Variants in PAAF1 observed in about 807,000 individuals in gnomAD.
PAAF1 encodes proteasomal ATPase-associated factor 1.
In PAAF1, 46 loss-of-function variants were observed where a neutral mutation model predicts 52.8. The ratio of observed to expected loss-of-function variants is 0.87; its 90% confidence interval spans 0.69 to 1.11. The LOEUF is 1.11. Ranked by LOEUF, PAAF1 falls within the 50% of genes most tolerant of loss-of-function variation. PAAF1 has a pLI of 0.00. For missense variants in PAAF1, 424 were observed against 477.4 expected (o/e 0.89, Z 1.04); for synonymous variants, 178 against 172.8 (o/e 1.03, Z -0.24).
Position 73,914,413 on chromosome 11 carries a change from G to T in PAAF1, c.728G>T (p.Ser243Ile). The T allele has an allele frequency of 6.2e-7, 1 of 1,613,906 alleles. No individual in the cohort carries two copies. The highest frequency in any genetic ancestry group is 8.5e-7 in the Non-Finnish European group (1 of 1,179,854). Residue 243 changes from serine to isoleucine, a missense_variant and splice_region_variant, in exon 8 of 12, where the codon AGT (serine) becomes ATT (isoleucine). By Grantham distance (142) the Ser-to-Ile change is moderately radical. Coordinates refer to ENST00000310571, the MANE Select transcript of PAAF1 (RefSeq NM_025155.3). The stretch of plus-strand genomic sequence containing the variant: ...TTAACATAGTTTATTTGTCATGCAG[G>T]TGAACGGGAGGTTGGAACAGAGGCC... Reference protein sequence around the residue: ...INLGSPEQMPSEREVGTEAKM... With the variant: ...INLGSPEQMPIEREVGTEAKM...
intron 11 of PAAF1, among the ~76,000 whole-genome samples, chr11:73,926,387 C>G (rs1950358364): frequency 6.6e-6 from 1 of 152,174 alleles, no homozygotes; most frequent in African/African-American, 2.4e-5. Flanking sequence ...CGTGAGCCAC[C>G]GCGCCCAGCC....
upstream of PAAF1, chr11:73,876,796 C>A (rs1005659600): frequency 2.9e-5 from 12 of 411,594 alleles, no homozygotes; most frequent in Admixed American, 3.6e-4. Flanking sequence ...CACGCTCCTA[C>A]GCGGCGGCTT....
intron 8 of PAAF1, among the ~76,000 whole-genome samples, chr11:73,914,763 C>T (rs140474805): frequency 1.4e-5 from 2 of 145,154 alleles, no homozygotes; most frequent in East Asian, 2.0e-4. Context: ...AGTGCAGTGG[C>T]GCAATCTCGG....
At chr11:73,904,377 C>T (rs937976132) in intron 6 of PAAF1, among the ~76,000 whole-genome samples, 1 of 152,050 alleles carries the variant, frequency 6.6e-6, no homozygotes, top group African/African-American at 2.4e-5. Context: ...ATTTATAATC[C>T]TAATTCTTTA....
At chr11:73,914,335 A>G (rs1053594334) in intron 7 of PAAF1, 78 bp from the exon 8 acceptor site, 6 of 1,160,390 alleles carry the variant, frequency 5.2e-6, no homozygotes, top group Admixed American at 3.6e-5. Flanking sequence ...TCAGTAATCA[A>G]CCATCAGTAT....
intron 3 of PAAF1, among the ~76,000 whole-genome samples, chr11:73,890,908 A>G (rs1173024841): frequency 6.6e-6 from 1 of 152,184 alleles, no homozygotes; most frequent in Non-Finnish European, 1.5e-5. Flanking sequence ...AGCAATACCA[A>G]ATTACACTGT....
chr11:73,923,394 T>C (rs1950277787), intron 10 of PAAF1, among the ~76,000 whole-genome samples: 1 of 152,156 alleles, frequency 6.6e-6, no homozygotes, highest in Non-Finnish European at 1.5e-5. Flanking sequence ...CTGTCAACCA[T>C]GTAAAATAGG....
At chr11:73,877,770 C>G (rs962856563) in intron 1 of PAAF1, among the ~76,000 whole-genome samples, 9 of 152,034 alleles carry the variant, frequency 5.9e-5, no homozygotes, top group African/African-American at 2.2e-4. Flanking sequence ...CCTATAATCC[C>G]AGCTACTCGG....
intron 4 of PAAF1, among the ~76,000 whole-genome samples, chr11:73,897,729 C>A (rs34481167): frequency 0.057 from 8,584 of 151,794 alleles, 270 homozygotes; most frequent in Middle Eastern, 0.11. Flanking sequence ...CTCCTCACAT[C>A]CCAGAAGATG....
chr11:73,899,223 G>A lies in PAAF1; in HGVS notation c.360G>A (p.Gln120=). 6.2e-7 allele frequency: 1 copy of A among 1,613,942 alleles called. No individual in the cohort carries two copies. The highest frequency in any genetic ancestry group is 8.5e-7 in the Non-Finnish European group (1 of 1,179,942). ...CTGACGGGACCATGAAAATCTGGCA[G>A]GCTTCCAATGGAGAACTCAGGGTAA... The part of the protein sequence containing the change: ...SSTDGTMKIW[Q]ASNGELRRVL... The change falls in exon 5 of 12, where the codon CAG becomes CAA. Residue 120 remains glutamine, a synonymous_variant. Coordinates refer to ENST00000310571, the MANE Select transcript of PAAF1 (RefSeq NM_025155.3).
chr11:73,881,984 C>G (rs1274988215), intron 2 of PAAF1, among the ~76,000 whole-genome samples: 2 of 152,150 alleles, frequency 1.3e-5, no homozygotes, highest in African/African-American at 4.8e-5. Flanking sequence ...AAGCAATTCT[C>G]CTGCCTCAGC....
Position 73,909,709 on chromosome 11 carries a change from T to C in PAAF1, c.727+116T>C, listed in dbSNP as rs1949875292. On this transcript the variant is annotated intron_variant, in intron 7 of 11. Coordinates refer to ENST00000310571, the MANE Select transcript of PAAF1 (RefSeq NM_025155.3). ...CTGCTCTGTGCCTGGTATTTCTGTTTTCACCATACGATTAATATTTACTCT... is the reference window on the plus strand; with the variant it reads ...CTGCTCTGTGCCTGGTATTTCTGTTCTCACCATACGATTAATATTTACTCT... 3 of 901,928 alleles carry C rather than the reference T, an allele frequency of 3.3e-6. No individual in the cohort carries two copies. The African/African-American group carries it at 5.0e-5, about 15-fold the overall frequency. 55.9% of individuals were successfully genotyped at this position (901,928 alleles called of 1,614,324 possible).
intron 1 of PAAF1, 103 bp downstream of exon 1, chr11:73,877,171 G>A: frequency 1.6e-5 from 19 of 1,212,790 alleles, no homozygotes; most frequent in Non-Finnish European, 2.1e-5. Flanking sequence ...GGGTTACTTC[G>A]TCAATTGTCG....
intron 6 of PAAF1, among the ~76,000 whole-genome samples, chr11:73,908,375 ATATATATGTGTGTATATATATATGTG>A (rs1565143873): frequency 7.7e-6 from 1 of 130,030 alleles, no homozygotes; most frequent in Non-Finnish European, 1.6e-5. Context: ...ATATATATGT[ATATATATGTGTGTATATATATATGTG>A]TATATATATG....
In PAAF1 at chr11:73,927,836, C is replaced by G. The variant is rs1246425450; in HGVS notation, c.*474C>G. The G allele has an allele frequency of 6.4e-6, 1 of 155,582 alleles. No homozygotes were observed. The highest frequency in any genetic ancestry group is 1.4e-5 in the Non-Finnish European group (1 of 70,312). 9.6% of individuals were successfully genotyped at this position (155,582 alleles called of 1,614,324 possible). A position where few individuals can be genotyped will look rare whatever the true frequency, so the allele number is the denominator to read the frequency against. Reference sequence around the variant, plus strand: ...CCCTGTTGCCTGGCCATAGAGAAGGCCTGCTTGGCAGTAGCAATAAATGTC... The same window carrying G: ...CCCTGTTGCCTGGCCATAGAGAAGGGCTGCTTGGCAGTAGCAATAAATGTC... On this transcript the variant is annotated 3_prime_UTR_variant, in exon 12 of 12. Coordinates refer to ENST00000310571, the MANE Select transcript of PAAF1 (RefSeq NM_025155.3).
intron 4 of PAAF1, among the ~76,000 whole-genome samples, chr11:73,897,270 G>C (rs895103082): frequency 1.3e-5 from 2 of 149,684 alleles, no homozygotes; most frequent in African/African-American, 5.0e-5. Context: ...GGGGCGGCTG[G>C]CCGTGTGGGG....
At chr11:73,894,251 C>T (rs1488265006) in intron 4 of PAAF1, among the ~76,000 whole-genome samples, 1 of 152,148 alleles carries the variant, frequency 6.6e-6, no homozygotes, top group Non-Finnish European at 1.5e-5. Context: ...ATGCCTGTAC[C>T]CAGCACTCTG....
upstream of PAAF1, chr11:73,876,987 G>A: frequency 6.6e-7 from 1 of 1,514,512 alleles, no homozygotes; most frequent in Non-Finnish European, 8.9e-7. Flanking sequence ...TCCGGGAAGG[G>A]GCGGAAGAGG....
chr11:73,912,422 A>G (rs781118042), intron 7 of PAAF1, among the ~76,000 whole-genome samples: 25 of 152,022 alleles, frequency 1.6e-4, no homozygotes, highest in Non-Finnish European at 3.1e-4. Context: ...CCTGAGATTC[A>G]CTCACAGTCC....
Sources: gnomAD v4.1 joint callset for allele counts (sites outside exome capture counted in the v4.1 genomes callset) on GRCh38, gnomAD v4.1.1 for gene constraint, MANE v1.5 for transcripts, NCBI Gene and HGNC (gene_info 2026-07-23, HGNC 2026-07-21) for gene names.